CSAD: variants seen among roughly 807,000 people sequenced by gnomAD.
CSAD encodes the protein P-selectin cytoplasmic tail-associated protein.
CSAD carries 47 observed loss-of-function variants against 61.5 expected under a neutral mutation model. That is an observed-to-expected ratio of 0.76 (90% confidence interval 0.60 to 0.97). The LOEUF (loss-of-function observed/expected upper bound fraction) is 0.97. Ranked by LOEUF, CSAD falls within the 50% of genes least tolerant of loss-of-function variation. The pLI, the probability that CSAD is intolerant of heterozygous loss-of-function variation, is 0.00. For missense variants in CSAD, 611 were observed against 643.6 expected, an observed-to-expected ratio of 0.95 and a Z score of 0.55; for synonymous variants, 245 against 252.7, an observed-to-expected ratio of 0.97 and a Z score of 0.29.
At chr12:53,166,116 G>A (rs1939909776) in intron 10 of CSAD, 1 of 150,122 alleles carries the variant, frequency 6.7e-6, no homozygotes, top group Admixed American at 6.6e-5. Flanking sequence ...CAGATCACAA[G>A]GTCAGAGTTT....
At chr12:53,176,109 G>C (rs748839143) in intron 2 of CSAD, among the ~76,000 whole-genome samples, 7 of 152,230 alleles carry the variant, frequency 4.6e-5, no homozygotes, top group Admixed American at 1.3e-4. Context: ...ATACAAGAAG[G>C]GGGGGTGAGG....
chr12:53,158,578 G>C lies in CSAD; in HGVS notation c.1415C>G (p.Ser472Cys). The change falls in exon 17 of 17, where the codon TCT becomes TGT. Residue 472 changes from serine to cysteine, a missense_variant. Ser to Cys is a moderately radical substitution (Grantham distance 112). Transcript: ENST00000444623. ...GNFFRVVVAN[S>C]ALTCADMDFL... is the part of the protein sequence containing the mutation. ...GTCCATATCAGCACAGGTCAGTGCA[G>C]AGTTGGCCACAACCACACGGAAGAA... The C allele has an allele frequency of 6.2e-7, 1 of 1,613,270 alleles. No individual in the cohort carries two copies. The highest frequency in any genetic ancestry group is 8.5e-7 in the Non-Finnish European group (1 of 1,180,028).
intron 1 of CSAD, chr12:53,180,432 A>G: frequency 1.7e-6 from 2 of 1,170,866 alleles, no homozygotes; most frequent in Non-Finnish European, 2.1e-6. Flanking sequence ...TCGAGCACCC[A>G]GCGTACAATC....
chr12:53,168,405 C>A (rs1170765258), intron 10 of CSAD, among the ~76,000 whole-genome samples: 1 of 152,064 alleles, frequency 6.6e-6, no homozygotes, highest in African/African-American at 2.4e-5. Flanking sequence ...ATCAATAAAA[C>A]TATTACCAAA....
At chr12:53,173,180 C>T in intron 4 of CSAD, 165 bp downstream of exon 4, 3 of 675,324 alleles carry the variant, frequency 4.4e-6, no homozygotes, top group Admixed American at 3.2e-5. Flanking sequence ...TGCACTCCAG[C>T]CTGGCCGATA....
chr12:53,160,934 G>C (rs1362785206), intron 12 of CSAD, 90 bp from the exon 13 acceptor site: 1 of 1,316,150 alleles, frequency 7.6e-7, no homozygotes, highest in Non-Finnish European at 1.1e-6. Flanking sequence ...CCCAGCAAAG[G>C]GGCTTTGGTC....
At chr12:53,158,749 T>C in intron 16 of CSAD, 65 bp from the exon 17 acceptor site, 1 of 1,512,180 alleles carries the variant, frequency 6.6e-7, no homozygotes, top group Non-Finnish European at 9.0e-7. Context: ...GCTGGCTTCT[T>C]GTCCTGCCAG....
At chr12:53,178,498 G>A in intron 2 of CSAD, 1 of 360,024 alleles carries the variant, frequency 2.8e-6, no homozygotes, top group South Asian at 2.0e-5. Context: ...TCTTTAAACA[G>A]AATGAAAATA....
At chr12:53,168,473 C>T (rs575147225) in intron 10 of CSAD, among the ~76,000 whole-genome samples, 10 of 152,116 alleles carry the variant, frequency 6.6e-5, no homozygotes, top group Non-Finnish European at 7.4e-5. Flanking sequence ...CTTACTGCTA[C>T]TCAGAGGTAA....
rs1345261344 is a variant in CSAD at position 53,170,076 on chromosome 12, G to C, written c.698C>G (p.Ala233Gly). Reference sequence around the variant, plus strand: ...CAGCGAGCCTCACTGACTCACCTCAGCCTCGGCCATACCAATCTGCCTCTC... The same window carrying C: ...CAGCGAGCCTCACTGACTCACCTCACCCTCGGCCATACCAATCTGCCTCTC... ...DLERQIGMAE[A>G]EGAVPFLVSA... is the part of the protein sequence containing the mutation. Residue 233 changes from alanine (A) to glycine (G), a missense_variant, in exon 10 of 17, where the codon GCT becomes GGT. Coordinates refer to ENST00000444623, the MANE Select transcript of CSAD (RefSeq NM_001244705.2). 6.2e-7 allele frequency: 1 copy of C among 1,613,896 alleles called. No individual in the cohort carries two copies. The highest frequency in any genetic ancestry group is 8.5e-7 in the Non-Finnish European group (1 of 1,179,834).
In CSAD at chr12:53,170,444, C is replaced by A; in HGVS notation, c.626G>T (p.Arg209Leu). Residue 209 changes from arginine (R) to leucine (L), a missense_variant, in exon 9 of 17, where the codon CGA becomes CTA. Arg to Leu is a moderately radical substitution (Grantham distance 102, BLOSUM62 -2). Transcript: ENST00000444623. ...TCACCTCTCATCAGCCTTGACCACT[C>A]GGACACTGTCGGTGCCAAGTCCCAG... ...AFLGLGTDSVRVVKADERGKM... is the reference protein window; with the variant it reads ...AFLGLGTDSVLVVKADERGKM... 1 of 1,614,112 alleles carries A rather than the reference C, an allele frequency of 6.2e-7. No homozygotes were observed. The highest frequency in any genetic ancestry group is 8.5e-7 in the Non-Finnish European group (1 of 1,179,984).
intron 10 of CSAD, among the ~76,000 whole-genome samples, chr12:53,165,543 G>A (rs1939825507): frequency 2.6e-5 from 4 of 151,046 alleles, no homozygotes; most frequent in Admixed American, 2.6e-4. Context: ...GGAGCCTGTA[G>A]TCCCAGCTAC....
intron 3 of CSAD, 74 bp downstream of exon 3, chr12:53,173,654 G>A: frequency 7.0e-7 from 1 of 1,432,640 alleles, no homozygotes; most frequent in Non-Finnish European, 9.8e-7. Flanking sequence ...GGAACAGGTG[G>A]GAGAGAAAAG....
At chr12:53,173,070 T>C (rs577707824) in intron 4 of CSAD, among the ~76,000 whole-genome samples, 16 of 152,082 alleles carry the variant, frequency 1.1e-4, no homozygotes, top group African/African-American at 3.6e-4. Context: ...TAGCCGGGCG[T>C]GGTGGCACAT....
At chr12:53,179,889 G>A in intron 1 of CSAD, 1 of 1,610,926 alleles carries the variant, frequency 6.2e-7, no homozygotes, top group Non-Finnish European at 8.5e-7. Context: ...AGAATTTGAA[G>A]ACAGTCTGGT....
At chr12:53,164,592 G>A (rs1248355027) in intron 10 of CSAD, 8 of 152,768 alleles carry the variant, frequency 5.2e-5, no homozygotes, top group South Asian at 2.0e-4. Context: ...GGGAGGGAGG[G>A]GAGAAAAGGT....
chr12:53,177,460 CT>C (rs1555173993), intron 2 of CSAD, among the ~76,000 whole-genome samples: 1 of 151,872 alleles, frequency 6.6e-6, no homozygotes, highest in East Asian at 1.9e-4. Context: ...AATGATCTAC[CT>C]TTTTTTAATG....
intron 2 of CSAD, chr12:53,178,436 G>C (rs1161108921): frequency 2.2e-6 from 1 of 453,532 alleles, no homozygotes; most frequent in South Asian, 1.6e-5. Flanking sequence ...AGGCTGCAGT[G>C]TGCCCTGACT....
chr12:53,162,113 T>C (rs1174591311), intron 10 of CSAD, among the ~76,000 whole-genome samples: 1 of 149,448 alleles, frequency 6.7e-6, no homozygotes, highest in Non-Finnish European at 1.5e-5. Flanking sequence ...ATACAGAAAT[T>C]ATCTGGGTGT....
Sources: gnomAD v4.1 joint callset for allele counts (sites outside exome capture counted in the v4.1 genomes callset) on GRCh38, gnomAD v4.1.1 for gene constraint, MANE v1.5 for transcripts, NCBI Gene and HGNC (gene_info 2026-07-23, HGNC 2026-07-21) for gene names.